PDE7B: variants seen among roughly 807,000 people sequenced by gnomAD.
PDE7B encodes the protein 3',5'-cyclic-AMP phosphodiesterase 7B.
PDE7B carries 29 observed loss-of-function variants against 56.2 expected under a neutral mutation model. That is an observed-to-expected ratio of 0.52 (90% CI 0.38 to 0.70). The LOEUF (loss-of-function observed/expected upper bound fraction) is 0.70, where lower values mean the gene tolerates loss of function less well. Ranked by LOEUF, PDE7B falls within the 30% of genes least tolerant of loss-of-function variation. The probability of loss-of-function intolerance (pLI) is 0.00; values close to 1 mark genes in which losing one functional copy is unlikely to be tolerated. For synonymous variants in PDE7B, 197 were observed against 196.9 expected, an observed-to-expected ratio of 1.00 and a Z score of 0.00; for missense variants, 490 against 565.0, an observed-to-expected ratio of 0.87 and a Z score of 1.35.
intron 2 of PDE7B, among the ~76,000 whole-genome samples, chr6:136,052,471 G>A (rs1353478108): frequency 1.3e-5 from 2 of 152,144 alleles, no homozygotes; most frequent in Admixed American, 1.3e-4. Context: ...GCAGGCTCTT[G>A]TAGTGAAAGA....
At chr6:136,180,873 C>T (rs1232993630) in intron 10 of PDE7B, among the ~76,000 whole-genome samples, 2 of 152,186 alleles carry the variant, frequency 1.3e-5, no homozygotes, top group Admixed American at 6.5e-5. Flanking sequence ...GATGACCTCA[C>T]TTGAGCCTGG....
chr6:136,157,894 T>C (rs897442148), intron 8 of PDE7B, among the ~76,000 whole-genome samples: 1 of 152,198 alleles, frequency 6.6e-6, no homozygotes, highest in African/African-American at 2.4e-5. Flanking sequence ...TAGCTGAGTA[T>C]GGTCCTGCCA....
chr6:136,107,422 G>C (rs917051240), intron 2 of PDE7B, among the ~76,000 whole-genome samples: 19 of 152,032 alleles, frequency 1.2e-4, no homozygotes, highest in Non-Finnish European at 4.4e-5. Flanking sequence ...GGTGAATTTG[G>C]TCTTTATTTC....
chr6:136,075,738 A>T (rs1777117812), intron 2 of PDE7B, among the ~76,000 whole-genome samples: 1 of 152,096 alleles, frequency 6.6e-6, no homozygotes, highest in South Asian at 2.1e-4. Flanking sequence ...ATCCCTGAAA[A>T]GGGTACTCAC....
intron 5 of PDE7B, among the ~76,000 whole-genome samples, chr6:136,150,700 CTT>C (rs987186512): frequency 2.6e-5 from 4 of 152,184 alleles, no homozygotes; most frequent in Non-Finnish European, 5.9e-5. Flanking sequence ...CAGATCTCCT[CTT>C]GAGTGATTTT....
chr6:135,878,477 C>G (rs1775542903), intron 1 of PDE7B, among the ~76,000 whole-genome samples: 1 of 152,124 alleles, frequency 6.6e-6, no homozygotes, highest in African/African-American at 2.4e-5. Context: ...GTCCACTTTA[C>G]TTTGTAAAAT....
At chr6:135,941,119 G>A (rs1355342028) in intron 1 of PDE7B, among the ~76,000 whole-genome samples, 2 of 152,180 alleles carry the variant, frequency 1.3e-5, no homozygotes, top group Non-Finnish European at 2.9e-5. Context: ...CTGTGCTTAA[G>A]CTATGCCTAC....
chr6:136,154,416 C>CA (rs5880284), intron 7 of PDE7B, among the ~76,000 whole-genome samples: 1,418 of 124,422 alleles, frequency 0.011, 12 homozygotes, highest in South Asian at 0.016. Flanking sequence ...TGTATTTGGA[C>CA]AAAAAAAAAA....
At chr6:135,988,056 T>C (rs542166269) in intron 2 of PDE7B, among the ~76,000 whole-genome samples, 1 of 152,184 alleles carries the variant, frequency 6.6e-6, no homozygotes, top group Non-Finnish European at 1.5e-5. Context: ...CTGTATATCA[T>C]GTGAGAAAAT....
intron 2 of PDE7B, among the ~76,000 whole-genome samples, chr6:135,967,840 A>T (rs1370235242): frequency 6.6e-6 from 1 of 152,202 alleles, no homozygotes; most frequent in Non-Finnish European, 1.5e-5. Context: ...ATAGATATCC[A>T]CAAGGGGCCA....
In PDE7B at chr6:135,980,899, A is replaced by G. The variant is rs529044114; in HGVS notation, c.82+33375A>G. The stretch of plus-strand genomic sequence containing the variant: ...GGCGATTCCTCAGGGATCTAGAACT[A>G]GAAATACCATTTGACCCAGCCATCC... On this transcript the variant is annotated intron_variant, in intron 2 of 12. Transcript: ENST00000308191. Among the ~76,000 whole-genome samples the G allele has an allele frequency of 4.8e-5, 7 of 146,638 alleles. No individual in the cohort carries two copies. The South Asian group carries it at 7.0e-4, about 15-fold the overall frequency.
chr6:136,176,391 T>C (rs1356313066), intron 9 of PDE7B, among the ~76,000 whole-genome samples: 3 of 152,126 alleles, frequency 2.0e-5, no homozygotes, highest in Non-Finnish European at 2.9e-5. Flanking sequence ...TCTGTGACCA[T>C]AGAGATCATG....
intron 3 of PDE7B, among the ~76,000 whole-genome samples, chr6:136,132,538 A>G (rs1778136057): frequency 6.6e-6 from 1 of 152,160 alleles, no homozygotes; most frequent in South Asian, 2.1e-4. Context: ...TGTAAGATGT[A>G]CCTATTTTAA....
chr6:136,162,388 A>T (rs1191592224), intron 8 of PDE7B: 2 of 152,124 alleles, frequency 1.3e-5, no homozygotes, highest in Non-Finnish European at 2.9e-5. Flanking sequence ...AAACCATCAG[A>T]TGTAATGAGA....
At chr6:135,898,967 G>T (rs777378704) in intron 1 of PDE7B, among the ~76,000 whole-genome samples, 1 of 152,070 alleles carries the variant, frequency 6.6e-6, no homozygotes, top group African/African-American at 2.4e-5. Context: ...ATGTGTTGAG[G>T]GGGGCGCCAG....
intron 1 of PDE7B, among the ~76,000 whole-genome samples, chr6:135,857,581 A>C (rs954378016): frequency 3.3e-5 from 5 of 152,168 alleles, no homozygotes; most frequent in Admixed American, 6.5e-5. Flanking sequence ...ACCTGAAGGT[A>C]CCAAACGGTC....
chr6:136,085,369 C>T (rs1382802618), intron 2 of PDE7B, among the ~76,000 whole-genome samples: 1 of 152,134 alleles, frequency 6.6e-6, no homozygotes, highest in Non-Finnish European at 1.5e-5. Flanking sequence ...GAAAATGAGT[C>T]AGGATATTCT....
At chr6:136,092,416 A>T (rs570290126) in intron 2 of PDE7B, among the ~76,000 whole-genome samples, 1 of 152,302 alleles carries the variant, frequency 6.6e-6, no homozygotes, top group South Asian at 2.1e-4. Flanking sequence ...AAAAGGCAAA[A>T]ATTGTCTAAA....
In PDE7B at chr6:135,911,382, A is replaced by T. The variant is rs1466251924; in HGVS notation, c.22-36082A>T. 2.6e-5 allele frequency among the ~76,000 whole-genome samples: 4 copies of T among 152,228 alleles called. No individual in the cohort carries two copies. In the East Asian group the frequency reaches 7.7e-4, roughly 29 times the overall value. On this transcript the variant is annotated intron_variant, in intron 1 of 12. Coordinates refer to ENST00000308191, the MANE Select transcript of PDE7B (RefSeq NM_018945.4). ...CACACATCATATATTTCTTCTCCCC[A>T]GGGGAAACTGAAGTCCTCTTTTTCT...
Sources: allele counts gnomAD v4.1 joint callset (sites outside exome capture counted in the v4.1 genomes callset), GRCh38; gene constraint gnomAD v4.1.1; transcripts MANE v1.5; gene names NCBI Gene and HGNC (gene_info 2026-07-23, HGNC 2026-07-21).